NCOR2: variants seen among roughly 807,000 people sequenced by gnomAD.
NCOR2 encodes the protein nuclear receptor corepressor 2.
NCOR2 carries 81 observed loss-of-function variants against 262.9 expected under a neutral mutation model. The observed-to-expected ratio is 0.31, with a 90% confidence interval of 0.26 to 0.37. The LOEUF is 0.37. Among genes scored for constraint, NCOR2 ranks in the 10% least tolerant of loss-of-function variants. NCOR2 has a pLI of 1.00. For missense variants in NCOR2, 3,385 were observed against 3,621.4 expected, an observed-to-expected ratio of 0.93 and a Z score of 1.68; for synonymous variants, 1,659 against 1,559.3, an observed-to-expected ratio of 1.06 and a Z score of -1.51.
At chr12:124,410,326 C>T (rs933405809) in intron 13 of NCOR2, among the ~76,000 whole-genome samples, 1 of 151,212 alleles carries the variant, frequency 6.6e-6, no homozygotes, top group East Asian at 2.0e-4. Context: ...ACCTGCAGCC[C>T]GGTCTGCTCC....
intron 5 of NCOR2, among the ~76,000 whole-genome samples, chr12:124,462,013 CAA>C (rs2046189655): frequency 6.6e-6 from 1 of 152,210 alleles, no homozygotes; most frequent in African/African-American, 2.4e-5. Context: ...TACACACACC[CAA>C]GTGTGCTGTA....
At chr12:124,529,530 A>G (rs1033877893) in intron 1 of NCOR2, among the ~76,000 whole-genome samples, 2 of 152,184 alleles carry the variant, frequency 1.3e-5, no homozygotes, top group African/African-American at 4.8e-5. Flanking sequence ...CTAACCCCAA[A>G]CAACCCAACT....
intron 1 of NCOR2, among the ~76,000 whole-genome samples, chr12:124,557,046 G>A (rs74967686): frequency 0.029 from 4,451 of 152,354 alleles, 193 homozygotes; most frequent in African/African-American, 0.1. Context: ...GACGGCCCAC[G>A]CCGGGGCAGA....
intron 4 of NCOR2, among the ~76,000 whole-genome samples, chr12:124,471,257 C>G (rs1024094928): frequency 6.6e-6 from 1 of 152,244 alleles, no homozygotes; most frequent in East Asian, 1.9e-4. Flanking sequence ...GAAGCCTACT[C>G]TCACCAGCCT....
chr12:124,335,655 A>G, intron 38 of NCOR2, 23 bp from the exon 41 acceptor site: 1 of 1,580,682 alleles, frequency 6.3e-7, no homozygotes, highest in Non-Finnish European at 8.6e-7. Flanking sequence ...GGGGGTGCAG[A>G]GTCAGGCACC....
chr12:124,431,538 A>G (rs1461471711), intron 8 of NCOR2, among the ~76,000 whole-genome samples: 1 of 151,508 alleles, frequency 6.6e-6, no homozygotes, highest in Non-Finnish European at 1.5e-5. Flanking sequence ...ATACACAGGC[A>G]CACATACATA....
chr12:124,336,857 G>A lies in NCOR2; in HGVS notation c.6011C>T (p.Ala2004Val), dbSNP rs115287138. 7.1e-4 allele frequency: 1,145 copies of A among 1,611,968 alleles called. 7 individuals carry two copies. The African/African-American group carries it at 0.014, about 20-fold the overall frequency. The change falls in exon 38 of 47, where the codon GCC becomes GTC. Residue 2004 changes from alanine (A) to valine (V), a missense_variant. Ala to Val is a moderately conservative substitution (Grantham distance 64, BLOSUM62 0). Coordinates refer to ENST00000405201, the Ensembl canonical transcript of NCOR2. ...AGGTGGCGCCGGCGGGTCCGGGCTG[G>A]CGTGGTGAGGTGCGAGGTTCTTCGC...
At chr12:124,345,359 C>T (rs950426758) in intron 31 of NCOR2, among the ~76,000 whole-genome samples, 7 of 152,120 alleles carry the variant, frequency 4.6e-5, no homozygotes, top group African/African-American at 1.7e-4. Flanking sequence ...AAAGTCAGCA[C>T]CCAGACCCAA....
At chr12:124,373,314 A>G (rs1399767269) in intron 19 of NCOR2, among the ~76,000 whole-genome samples, 8 of 33,594 alleles carry the variant, frequency 2.4e-4, no homozygotes, top group African/African-American at 5.2e-4. Flanking sequence ...GGCACAGTGG[A>G]CAATCATGAG....
chr12:124,565,933 C>T (rs925474058), intron 1 of NCOR2, among the ~76,000 whole-genome samples: 4 of 152,174 alleles, frequency 2.6e-5, no homozygotes, highest in African/African-American at 9.7e-5. Flanking sequence ...AAAGAGGCCA[C>T]CCACGAGGTA....
At chr12:124,452,342 A>G (rs1437471858) in intron 6 of NCOR2, among the ~76,000 whole-genome samples, 1 of 152,228 alleles carries the variant, frequency 6.6e-6, no homozygotes, top group Non-Finnish European at 1.5e-5. Flanking sequence ...AATCAAATGC[A>G]GGCCAGGTGC....
chr12:124,327,646 GAC>G lies in NCOR2; in HGVS notation c.6959-15_6959-14del. 2 of 1,517,136 alleles carry G rather than the reference GAC, an allele frequency of 1.3e-6. No homozygotes were observed. Among genetic ancestry groups the G allele is most frequent in the Non-Finnish European group, 1.8e-6 (2 of 1,117,508 alleles). The allele number at this position is 1,517,136 out of a possible 1,614,324, so 94.0% of individuals were successfully genotyped here. A position where few individuals can be genotyped will look rare whatever the true frequency, so the allele number is the denominator to read the frequency against. On this transcript the variant is annotated splice_polypyrimidine_tract_variant and intron_variant, in intron 44 of 46. Transcript: ENST00000405201. The stretch of plus-strand genomic sequence containing the variant: ...TAGGTCATAAGGCCTGGGAGAGAGA[GAC>G]AGACAGACAGACAGACACATGGGGG...
chr12:124,451,446 TACA>T (rs775163558), intron 6 of NCOR2, among the ~76,000 whole-genome samples: 2 of 152,308 alleles, frequency 1.3e-5, no homozygotes, highest in South Asian at 2.1e-4. Context: ...CTTAAGAGGT[TACA>T]ACATTTGCCC....
At chr12:124,380,680 C>A (rs894672546) in intron 17 of NCOR2, among the ~76,000 whole-genome samples, 9 of 152,130 alleles carry the variant, frequency 5.9e-5, no homozygotes, top group African/African-American at 2.2e-4. Flanking sequence ...GCTGCCCGGG[C>A]GGTGGCTGGG....
chr12:124,515,741 C>T (rs1445086041), intron 1 of NCOR2, among the ~76,000 whole-genome samples: 4 of 151,520 alleles, frequency 2.6e-5, no homozygotes, highest in Middle Eastern at 3.4e-3. Flanking sequence ...CACAAGTGTG[C>T]GTGTGAGTAT....
intron 41 of NCOR2, among the ~76,000 whole-genome samples, chr12:124,333,587 CCA>C (rs2035432026): frequency 6.6e-6 from 1 of 152,098 alleles, no homozygotes; most frequent in African/African-American, 2.4e-5. Flanking sequence ...TGGTTGTACC[CCA>C]GTGCCAGCTA....
At chr12:124,348,894 T>G (rs752386453) in intron 28 of NCOR2, 1 of 156,702 alleles carries the variant, frequency 6.4e-6, no homozygotes, top group African/African-American at 2.4e-5. Flanking sequence ...GGAGCACGCA[T>G]GTGCACTGGC....
intron 42 of NCOR2, among the ~76,000 whole-genome samples, chr12:124,332,686 G>T (rs1387725607): frequency 6.6e-6 from 1 of 152,174 alleles, no homozygotes; most frequent in Non-Finnish European, 1.5e-5. Flanking sequence ...ACGCCTGGCT[G>T]CGTGGTGGGC....
At position 124,450,017 on chromosome 12, in the gene NCOR2, C is replaced by A. The variant is rs554667133; in HGVS notation, c.763-150G>T. The A allele has an allele frequency of 5.7e-5, 42 of 742,048 alleles. No homozygotes were observed. In the African/African-American group the frequency reaches 6.7e-4, roughly 12 times the overall value. 46.0% of individuals were successfully genotyped at this position (742,048 alleles called of 1,614,324 possible). A position where few individuals can be genotyped will look rare whatever the true frequency, so the allele number is the denominator to read the frequency against. On this transcript the variant is annotated intron_variant, in intron 6 of 46. Transcript: ENST00000405201. ...CAGGCATGAAACAGAACACAGGGAC[C>A]CAGCACGCAGCCCCAGCCAGGAACA...
Sources: allele counts gnomAD v4.1 joint callset (sites outside exome capture counted in the v4.1 genomes callset), GRCh38; gene constraint gnomAD v4.1.1; transcripts MANE v1.5; gene names NCBI Gene and HGNC (gene_info 2026-07-23, HGNC 2026-07-21).